SWAP70: variants seen among roughly 807,000 people sequenced by gnomAD.
The protein encoded by SWAP70 is switch-associated protein 70.
In SWAP70, 34 loss-of-function variants were observed where a neutral mutation model predicts 80.2. The observed-to-expected ratio is 0.42, with a 90% confidence interval of 0.32 to 0.56. The LOEUF is 0.56. SWAP70 is among the 20% of genes least tolerant of loss of function. SWAP70 has a pLI of 0.09. For missense variants in SWAP70, 578 were observed against 690.7 expected, an observed-to-expected ratio of 0.84 and a Z score of 1.83; for synonymous variants, 239 against 238.5, an observed-to-expected ratio of 1.00 and a Z score of -0.02.
At chr11:9,677,005 A>G (rs1461804642) in intron 1 of SWAP70, among the ~76,000 whole-genome samples, 1 of 150,854 alleles carries the variant, frequency 6.6e-6, no homozygotes, top group African/African-American at 2.4e-5. Flanking sequence ...TTGAACACAC[A>G]GATGCAGAAC....
chr11:9,691,800 G>A (rs1276346303), intron 1 of SWAP70, among the ~76,000 whole-genome samples: 2 of 152,172 alleles, frequency 1.3e-5, no homozygotes, highest in Non-Finnish European at 2.9e-5. Flanking sequence ...CCCCTGCCAG[G>A]GCTTTAGTTA....
At chr11:9,669,780 C>T (rs1590004485) in intron 1 of SWAP70, among the ~76,000 whole-genome samples, 2 of 152,164 alleles carry the variant, frequency 1.3e-5, no homozygotes, top group African/African-American at 2.4e-5. Context: ...TAGGTGTATG[C>T]CAGGGGCCCC....
At chr11:9,693,498 A>T (rs951122919) in intron 1 of SWAP70, among the ~76,000 whole-genome samples, 1 of 152,082 alleles carries the variant, frequency 6.6e-6, no homozygotes, top group Non-Finnish European at 1.5e-5. Context: ...CCTGAATCTA[A>T]TCCAGGCCCT....
At chr11:9,694,432 C>A in intron 2 of SWAP70, 146 bp downstream of exon 2, 1 of 948,618 alleles carries the variant, frequency 1.1e-6, no homozygotes, top group Non-Finnish European at 1.5e-6. Context: ...GAATGAGAGA[C>A]TGACAGTGCT....
chr11:9,739,469 C>A (rs567770784), intron 8 of SWAP70, among the ~76,000 whole-genome samples: 9 of 152,228 alleles, frequency 5.9e-5, no homozygotes, highest in Non-Finnish European at 1.2e-4. Context: ...TTATCACATG[C>A]TCTCTCATGA....
chr11:9,750,444 T>G lies in SWAP70; in HGVS notation c.*474T>G, dbSNP rs1055422063. 6.6e-6 allele frequency: 1 copy of G among 152,244 alleles called. No individual in the cohort carries two copies. The highest frequency in any genetic ancestry group is 2.4e-5 in the African/African-American group (1 of 41,454). 9.4% of individuals were successfully genotyped at this position (152,244 alleles called of 1,614,324 possible). A position where few individuals can be genotyped will look rare whatever the true frequency, so the allele number is the denominator to read the frequency against. On this transcript the variant is annotated 3_prime_UTR_variant, in exon 12 of 12. Coordinates refer to ENST00000318950, the MANE Select transcript of SWAP70 (RefSeq NM_015055.4). ...GTGGGTCAGTATCCTAAGGAAGCCT[T>G]CTTATTTATCTTCCTGCAAACAAGG...
intron 2 of SWAP70, among the ~76,000 whole-genome samples, chr11:9,695,898 G>A (rs536916830): frequency 1.8e-4 from 28 of 152,108 alleles, no homozygotes; most frequent in African/African-American, 6.5e-4. Flanking sequence ...TCGGGCTCAG[G>A]TGACCCTCCT....
At chr11:9,667,879 C>A (rs1453746902) in intron 1 of SWAP70, among the ~76,000 whole-genome samples, 1 of 152,142 alleles carries the variant, frequency 6.6e-6, no homozygotes, top group African/African-American at 2.4e-5. Flanking sequence ...CACTTTATTA[C>A]TATTACTGTT....
intron 1 of SWAP70, among the ~76,000 whole-genome samples, chr11:9,683,682 C>T (rs2134436359): frequency 6.6e-6 from 1 of 152,288 alleles, no homozygotes; most frequent in African/African-American, 2.4e-5. Context: ...TTTGGCAAAA[C>T]CAGGAGCTCT....
chr11:9,720,998 T>G (rs1230203973), intron 3 of SWAP70, among the ~76,000 whole-genome samples: 1 of 152,092 alleles, frequency 6.6e-6, no homozygotes, highest in Non-Finnish European at 1.5e-5. Flanking sequence ...GTATTTTTAG[T>G]AGAGATGGAG....
rs547747257 is a variant in SWAP70, at chr11:9,739,474, T to C, written c.1189-707T>C. 2.6e-5 allele frequency among the ~76,000 whole-genome samples: 4 copies of C among 152,358 alleles called. No individual in the cohort carries two copies. In the South Asian group the frequency reaches 8.3e-4, roughly 32 times the overall value. On this transcript the variant is annotated intron_variant, in intron 8 of 11. Transcript: ENST00000318950. ...AAGTTCAGGATTATCACATGCTCTC[T>C]CATGACTCTTCTGAAGACAGAGTGA... is the stretch of plus-strand genomic sequence containing the variant.
rs1565111575 is a variant in SWAP70, at chr11:9,675,330, AGAGAGAGAGAGGGAGC to A, written c.99+11064_99+11079del. 2.3e-3 allele frequency among the ~76,000 whole-genome samples: 173 copies of A among 73,874 alleles called. 30 individuals are homozygous for A. The highest frequency in any genetic ancestry group is 4.7e-3 in the Admixed American group (26 of 5,548). The allele number at this position is 73,874 out of a possible 152,430, so 48.5% of individuals were successfully genotyped here. On this transcript the variant is annotated intron_variant, in intron 1 of 11. Coordinates refer to ENST00000318950, the MANE Select transcript of SWAP70 (RefSeq NM_015055.4). ...GAAACAGAGAGGGAGCGAGAGAGAG[AGAGAGAGAGAGGGAGC>A]GAGAGAGAGAGAGAGAGAGAGAGAG...
rs1198845064 is a variant in SWAP70, at chr11:9,671,491, TATATATATAA to T, written c.99+7233_99+7242del. Among the ~76,000 whole-genome samples the T allele has an allele frequency of 3.7e-3, 283 of 76,764 alleles. 1 individual carries two copies. The highest frequency in any genetic ancestry group is 0.014 in the African/African-American group (264 of 18,688). The allele number at this position is 76,764 out of a possible 152,430, so 50.4% of individuals were successfully genotyped here. Reference sequence around the variant, plus strand: ...AAATATATAAAAGTATATTTATAAATATATATATAAATATATATAAATATATATATAAATA... The same window carrying T: ...AAATATATAAAAGTATATTTATAAATATATATATAAATATATATATAAATA... On this transcript the variant is annotated intron_variant, in intron 1 of 11. Coordinates refer to ENST00000318950, the MANE Select transcript of SWAP70 (RefSeq NM_015055.4).
intron 1 of SWAP70, among the ~76,000 whole-genome samples, chr11:9,671,551 A>AAT (rs574040633): frequency 6.4e-5 from 4 of 62,386 alleles, no homozygotes; most frequent in Non-Finnish European, 6.5e-5. Context: ...AATATATAGA[A>AAT]ATATATATAA....
intron 2 of SWAP70, 94 bp from the exon 3 acceptor site, chr11:9,713,372 G>A (rs1851024250): frequency 7.9e-7 from 1 of 1,266,586 alleles, no homozygotes; most frequent in African/African-American, 1.5e-5. Flanking sequence ...GATTAAAATG[G>A]GAGCCAAAGG....
chr11:9,742,377 A>G (rs890913133), intron 9 of SWAP70, among the ~76,000 whole-genome samples: 1 of 151,280 alleles, frequency 6.6e-6, no homozygotes, highest in Non-Finnish European at 1.5e-5. Context: ...TTGCTCTGTT[A>G]TCAGGCTGGA....
At chr11:9,737,219 A>G (rs1851374300) in intron 7 of SWAP70, among the ~76,000 whole-genome samples, 1 of 152,192 alleles carries the variant, frequency 6.6e-6, no homozygotes, top group Non-Finnish European at 1.5e-5. Flanking sequence ...CCAGGAAGGT[A>G]TCATAGCCCT....
At chr11:9,724,180 TTG>T (rs1313786726) in intron 3 of SWAP70, among the ~76,000 whole-genome samples, 1 of 152,246 alleles carries the variant, frequency 6.6e-6, no homozygotes, top group Non-Finnish European at 1.5e-5. Context: ...ATTTACAACA[TTG>T]TAGTGTTCCA....
intron 9 of SWAP70, among the ~76,000 whole-genome samples, chr11:9,747,345 C>G (rs999892065): frequency 6.6e-6 from 1 of 152,230 alleles, no homozygotes; most frequent in Non-Finnish European, 1.5e-5. Context: ...ATTCTGTCTG[C>G]GTTCACTCCT....
Sources: gnomAD v4.1 joint callset for allele counts (sites outside exome capture counted in the v4.1 genomes callset) on GRCh38, gnomAD v4.1.1 for gene constraint, MANE v1.5 for transcripts, NCBI Gene and HGNC (gene_info 2026-07-23, HGNC 2026-07-21) for gene names.